The following PAX7 variants were observed in gnomAD, a reference collection of about 807,000 sequenced individuals.
PAX7 encodes paired box 7, also known as paired box protein Pax-7.
In PAX7, 18 loss-of-function variants were observed where a neutral mutation model predicts 50.7. The ratio of observed to expected loss-of-function variants is 0.36; its 90% confidence interval spans 0.25 to 0.53. The LOEUF (loss-of-function observed/expected upper bound fraction) is 0.53. Ranked by LOEUF, PAX7 falls within the 20% of genes least tolerant of loss-of-function variation. The pLI is 0.93. For synonymous variants in PAX7, 310 were observed against 290.4 expected (o/e 1.07, Z -0.69); for missense variants, 644 against 702.9 (o/e 0.92, Z 0.95).
At chr1:18,722,642 CG>C (rs2089509487) in intron 7 of PAX7, among the ~76,000 whole-genome samples, 1 of 152,080 alleles carries the variant, frequency 6.6e-6, no homozygotes, top group Non-Finnish European at 1.5e-5. Context: ...GGCAGGGCGT[CG>C]ACATAGCTGG....
intron 7 of PAX7, among the ~76,000 whole-genome samples, chr1:18,705,996 G>A (rs894499503): frequency 2.0e-5 from 3 of 152,138 alleles, no homozygotes; most frequent in Admixed American, 6.6e-5. Flanking sequence ...GGCAGGCCGT[G>A]TGTGCTTCTG....
intron 5 of PAX7, among the ~76,000 whole-genome samples, chr1:18,694,079 A>T (rs1264169742): frequency 6.6e-6 from 1 of 152,106 alleles, no homozygotes; most frequent in African/African-American, 2.4e-5. Context: ...TCCCCATTAG[A>T]CCAGAATCTC....
At chr1:18,743,223 A>C (rs2100419137) in intron 8 of PAX7, among the ~76,000 whole-genome samples, 1 of 152,362 alleles carries the variant, frequency 6.6e-6, no homozygotes, top group African/African-American at 2.4e-5. Context: ...CCCATTTTAC[A>C]GACAAGGAAA....
rs1408011747 is a variant in PAX7 at position 18,630,915 on chromosome 1, C to T, written c.-689C>T. ...GCTTTTCCATTTCTCTTTCCCCAAC[C>T]CCGTCACCCCCTGTCTCCTCCGTCC... is the stretch of plus-strand genomic sequence containing the variant. On this transcript the variant is annotated 5_prime_UTR_variant, in exon 1 of 9. Coordinates refer to ENST00000420770, the MANE Select transcript of PAX7 (RefSeq NM_001135254.2). 1 of 195,118 alleles carries T rather than the reference C, an allele frequency of 5.1e-6. No homozygotes were observed. Among genetic ancestry groups the T allele is most frequent in the Non-Finnish European group, 1.1e-5 (1 of 93,770 alleles). 12.1% of individuals were successfully genotyped at this position (195,118 alleles called of 1,614,324 possible). A position where few individuals can be genotyped will look rare whatever the true frequency, so the allele number is the denominator to read the frequency against.
At position 18,636,501 on chromosome 1, in the gene PAX7, G is replaced by A. The variant is rs1341457411; in HGVS notation, c.586+130G>A. On this transcript the variant is annotated intron_variant, in intron 4 of 8. Transcript: ENST00000420770. The surrounding 1 kb of genome is among the most constrained non-coding windows in gnomAD (Gnocchi z 5.1). ...CAGCGGAGAAACTCTCATGCTGCGG[G>A]GCAGCTGGGAGCCGCTCAGGCTTTG... The A allele has an allele frequency of 2.5e-5, 30 of 1,210,228 alleles. 1 individual carries two copies. The East Asian group carries it at 6.7e-4, about 27-fold the overall frequency. 75.0% of individuals were successfully genotyped at this position (1,210,228 alleles called of 1,614,324 possible).
intron 4 of PAX7, among the ~76,000 whole-genome samples, chr1:18,641,441 C>T (rs750883897): frequency 2.6e-5 from 4 of 152,138 alleles, no homozygotes; most frequent in Non-Finnish European, 1.5e-5. Context: ...AGAAAAGAGG[C>T]TCGGTTCCCG....
chr1:18,684,458 T>C (rs2088944865), intron 4 of PAX7, among the ~76,000 whole-genome samples: 1 of 152,218 alleles, frequency 6.6e-6, no homozygotes, highest in African/African-American at 2.4e-5. Flanking sequence ...AGTCTGCTCC[T>C]CCGTCGCCCT....
intron 4 of PAX7, among the ~76,000 whole-genome samples, chr1:18,641,293 G>A (rs1009804246): frequency 8.5e-5 from 13 of 152,340 alleles, no homozygotes; most frequent in Admixed American, 7.8e-4. Flanking sequence ...GCAATTATCC[G>A]CCCCAGAGAG....
chr1:18,684,313 G>T (rs1046541929), intron 4 of PAX7, among the ~76,000 whole-genome samples: 49 of 152,324 alleles, frequency 3.2e-4, no homozygotes, highest in African/African-American at 1.1e-3. Context: ...GGACAGTGCT[G>T]GCTGGGTATG....
chr1:18,694,172 G>A (rs1217015291), intron 5 of PAX7, among the ~76,000 whole-genome samples: 2 of 152,126 alleles, frequency 1.3e-5, no homozygotes, highest in African/African-American at 2.4e-5. Flanking sequence ...AGTTTTTAAA[G>A]AATAAACGGA....
At chr1:18,712,134 C>CTGATGGTCAGTGTGAAT (rs56053517) in intron 7 of PAX7, among the ~76,000 whole-genome samples, 112,903 of 150,718 alleles carry the variant, frequency 0.75, 42,584 homozygotes, top group Middle Eastern at 0.82. Context: ...TAGGTGTGAA[C>CTGATGGTCAGTGTGAAT]TGATGGTCAG....
intron 4 of PAX7, among the ~76,000 whole-genome samples, chr1:18,676,422 G>T (rs1406490831): frequency 7.0e-6 from 1 of 143,198 alleles, no homozygotes. Flanking sequence ...GGCAGCGGGA[G>T]AATGCACCAT....
intron 4 of PAX7, among the ~76,000 whole-genome samples, chr1:18,672,790 G>C (rs904944707): frequency 2.0e-5 from 3 of 151,926 alleles, no homozygotes; most frequent in African/African-American, 7.3e-5. Context: ...AGTTTTGGTA[G>C]AGAGGGGGGT....
At chr1:18,640,831 G>T (rs1391118295) in intron 4 of PAX7, among the ~76,000 whole-genome samples, 1 of 150,416 alleles carries the variant, frequency 6.6e-6, no homozygotes, top group African/African-American at 2.4e-5. Flanking sequence ...CTGGAGGGGC[G>T]CGCCGGGCCG....
rs141118973 is a variant in PAX7, at chr1:18,674,798, G to T, written c.587-16956G>T. 1.5e-3 allele frequency among the ~76,000 whole-genome samples: 222 copies of T among 152,288 alleles called. 1 individual carries two copies. The highest frequency in any genetic ancestry group is 5.0e-3 in the African/African-American group (206 of 41,556). ...TGGTCCTGTTTATTTGCTGATGCTGGTTTTCTCTGCATTTCTATAGAACAG... is the reference window on the plus strand; with the variant it reads ...TGGTCCTGTTTATTTGCTGATGCTGTTTTTCTCTGCATTTCTATAGAACAG... On this transcript the variant is annotated intron_variant, in intron 4 of 8. Transcript: ENST00000420770.
chr1:18,692,945 T>C (rs1207824650), intron 5 of PAX7, among the ~76,000 whole-genome samples: 3 of 152,052 alleles, frequency 2.0e-5, no homozygotes, highest in Non-Finnish European at 2.9e-5. Flanking sequence ...TTGCCTCACC[T>C]CCCCAGGCCA....
At chr1:18,633,310 G>A (rs1057073572) in intron 1 of PAX7, among the ~76,000 whole-genome samples, 5 of 152,164 alleles carry the variant, frequency 3.3e-5, no homozygotes, top group African/African-American at 1.2e-4. Context: ...TCCCCAAATT[G>A]GGGGGATCGA....
chr1:18,702,108 G>A (rs577116083), intron 6 of PAX7, among the ~76,000 whole-genome samples: 9 of 152,012 alleles, frequency 5.9e-5, no homozygotes, highest in East Asian at 1.9e-4. Context: ...TGAGGCGGGC[G>A]GATCTCTTGA....
intron 7 of PAX7, among the ~76,000 whole-genome samples, chr1:18,712,408 T>C: frequency 6.6e-6 from 1 of 152,278 alleles, no homozygotes; most frequent in East Asian, 1.9e-4. Context: ...CAGAGCCTCT[T>C]CTCCTGTGAA....
Sources: gnomAD v4.1 joint callset for allele counts (sites outside exome capture counted in the v4.1 genomes callset) on GRCh38, gnomAD v4.1.1 for gene constraint, Gnocchi (gnomAD v3.1) non-coding constraint, MANE v1.5 for transcripts, NCBI Gene and HGNC (gene_info 2026-07-23, HGNC 2026-07-21) for gene names.